The following XPR1 variants were observed in gnomAD, a reference collection of about 807,000 sequenced individuals.
XPR1 encodes the protein xenotropic and polytropic retrovirus receptor 1.
XPR1 carries 28 observed loss-of-function variants against 87.5 expected under a neutral mutation model. The observed-to-expected ratio is 0.32, with a 90% CI of 0.24 to 0.44. XPR1 has a LOEUF of 0.44. Ranked by LOEUF, XPR1 falls within the 20% of genes least tolerant of loss-of-function variation. The probability of loss-of-function intolerance (pLI) is 1.00; values close to 1 mark genes in which losing one functional copy is unlikely to be tolerated. For missense variants in XPR1, 559 were observed against 862.3 expected (o/e 0.65, Z 4.41); for synonymous variants, 300 against 306.1 (o/e 0.98, Z 0.21).
rs534511387 is a variant in XPR1, at chr1:180,694,957, T to G, written c.121+12546T>G. On this transcript the variant is annotated intron_variant, in intron 2 of 14. Transcript: ENST00000367590. ...AGTGGTCATTCTATTTTTAGTTTTT[T>G]TCAGAAACCTCCAATCTGTCGTTCC... is the stretch of plus-strand genomic sequence containing the variant. Among the ~76,000 whole-genome samples, 4 of 152,332 alleles carry G rather than the reference T, an allele frequency of 2.6e-5. No homozygotes were observed. The South Asian group carries it at 8.3e-4, about 32-fold the overall frequency.
chr1:180,644,711 C>T (rs540227674), intron 1 of XPR1, among the ~76,000 whole-genome samples: 59 of 151,996 alleles, frequency 3.9e-4, no homozygotes, highest in Non-Finnish European at 1.3e-4. Flanking sequence ...CACCAGGGAC[C>T]GGTTTTGTGG....
chr1:180,737,673 C>G (rs1339738781), intron 2 of XPR1, among the ~76,000 whole-genome samples: 1 of 152,188 alleles, frequency 6.6e-6, no homozygotes, highest in Non-Finnish European at 1.5e-5. Context: ...ATATTTTTAA[C>G]ATTTTGAGAA....
intron 14 of XPR1, among the ~76,000 whole-genome samples, chr1:180,881,390 C>T (rs1036289476): frequency 5.9e-5 from 9 of 152,160 alleles, no homozygotes; most frequent in African/African-American, 2.2e-4. Context: ...GTCTCGATCT[C>T]CTGACCTCGT....
intron 12 of XPR1, among the ~76,000 whole-genome samples, chr1:180,873,378 G>A (rs1341065674): frequency 6.6e-6 from 1 of 152,190 alleles, no homozygotes; most frequent in African/African-American, 2.4e-5. Flanking sequence ...AAGGCAAATG[G>A]AGAATAAAAG....
At chr1:180,671,587 T>C (rs1456442855) in intron 1 of XPR1, among the ~76,000 whole-genome samples, 4 of 152,162 alleles carry the variant, frequency 2.6e-5, no homozygotes, top group Non-Finnish European at 4.4e-5. Context: ...TGCAATGGCA[T>C]GATCTCGGCT....
intron 2 of XPR1, among the ~76,000 whole-genome samples, chr1:180,764,656 G>C (rs1648200392): frequency 2.0e-5 from 3 of 151,698 alleles, no homozygotes; most frequent in Admixed American, 2.0e-4. Context: ...TTTTTGTAGA[G>C]GTGGGGTTTT....
intron 2 of XPR1, among the ~76,000 whole-genome samples, chr1:180,767,409 G>A (rs994719471): frequency 1.3e-5 from 2 of 152,148 alleles, no homozygotes; most frequent in African/African-American, 2.4e-5. Context: ...ACTGTTGAAG[G>A]ATGGATCTGT....
chr1:180,673,984 A>G (rs1366936564), intron 1 of XPR1, among the ~76,000 whole-genome samples: 1 of 152,254 alleles, frequency 6.6e-6, no homozygotes, highest in African/African-American at 2.4e-5. Context: ...ACAGGGTCAA[A>G]TAATGTCACA....
At chr1:180,668,386 C>G (rs151014284) in intron 1 of XPR1, among the ~76,000 whole-genome samples, 2,020 of 152,248 alleles carry the variant, frequency 0.013, 37 homozygotes, top group African/African-American at 0.045. Context: ...GCCTCAGCCT[C>G]CCAAAGCACT....
intron 2 of XPR1, among the ~76,000 whole-genome samples, chr1:180,725,721 G>C (rs1336144291): frequency 6.6e-6 from 1 of 152,152 alleles, no homozygotes; most frequent in African/African-American, 2.4e-5. Context: ...CACTTTTGTT[G>C]TAAGTAAATC....
intron 2 of XPR1, among the ~76,000 whole-genome samples, chr1:180,778,615 C>T (rs536122761): frequency 5.3e-5 from 8 of 152,194 alleles, no homozygotes; most frequent in Admixed American, 2.6e-4. Flanking sequence ...CTAACATACT[C>T]GTGGTTGTCC....
At chr1:180,851,408 A>T (rs1464800110) in intron 11 of XPR1, among the ~76,000 whole-genome samples, 1 of 152,194 alleles carries the variant, frequency 6.6e-6, no homozygotes, top group Non-Finnish European at 1.5e-5. Flanking sequence ...CGTCAGACAG[A>T]ATTTATTTGT....
chr1:180,683,148 A>G (rs538384388), intron 2 of XPR1, among the ~76,000 whole-genome samples: 3 of 134,780 alleles, frequency 2.2e-5, no homozygotes, highest in Non-Finnish European at 4.7e-5. Flanking sequence ...CTGGTGTGTG[A>G]TGTTCCCCTT....
chr1:180,641,778 G>GCCAA (rs1654970060), intron 1 of XPR1, among the ~76,000 whole-genome samples: 1 of 152,162 alleles, frequency 6.6e-6, no homozygotes, highest in Non-Finnish European at 1.5e-5. Context: ...GAGCAGAGAT[G>GCCAA]CCAAGATACC....
intron 11 of XPR1, among the ~76,000 whole-genome samples, chr1:180,842,386 T>C (rs868249192): frequency 4.6e-5 from 7 of 151,880 alleles, no homozygotes; most frequent in Non-Finnish European, 7.4e-5. Context: ...AGGGAGGAGG[T>C]TGGAGGTTTA....
chr1:180,683,124 C>G (rs1369368547), intron 2 of XPR1, among the ~76,000 whole-genome samples: 1 of 141,996 alleles, frequency 7.0e-6, no homozygotes, highest in Non-Finnish European at 1.5e-5. Flanking sequence ...CCTCCCCCCA[C>G]CCCACAACAG....
intron 1 of XPR1, among the ~76,000 whole-genome samples, chr1:180,672,308 A>G (rs12089583): frequency 0.02 from 3,112 of 152,274 alleles, 106 homozygotes; most frequent in African/African-American, 0.071. Context: ...CTTGAAAATG[A>G]GTCAGGCTTA....
intron 9 of XPR1, among the ~76,000 whole-genome samples, chr1:180,829,876 A>G (rs964740322): frequency 2.0e-5 from 3 of 150,508 alleles, no homozygotes; most frequent in Non-Finnish European, 4.4e-5. Context: ...CCATCCCACC[A>G]TCCCTTTTTT....
chr1:180,701,406 A>T (rs1370404717), intron 2 of XPR1, among the ~76,000 whole-genome samples: 1 of 91,682 alleles, frequency 1.1e-5, no homozygotes, highest in Non-Finnish European at 2.2e-5. Flanking sequence ...TACCTAATTT[A>T]TTGAGAGTTT....
Sources: allele counts gnomAD v4.1 joint callset (sites outside exome capture counted in the v4.1 genomes callset), GRCh38; gene constraint gnomAD v4.1.1; transcripts MANE v1.5; gene names NCBI Gene and HGNC (gene_info 2026-07-23, HGNC 2026-07-21).